The following PTBP3 variants were observed in gnomAD, a reference collection of about 807,000 sequenced individuals.
PTBP3 encodes polypyrimidine tract binding protein 3, also known as polypyrimidine tract-binding protein 3.
A neutral mutation model predicts 58.7 loss-of-function variants in PTBP3; 20 were observed. That is an observed-to-expected ratio of 0.34 (90% CI 0.24 to 0.50). The LOEUF is 0.50. Among genes scored for constraint, PTBP3 ranks in the 20% least tolerant of loss-of-function variants. The pLI, the probability that PTBP3 is intolerant of heterozygous loss-of-function variation, is 0.98. For synonymous variants in PTBP3, 185 were observed against 219.8 expected (o/e 0.84, Z 1.40); for missense variants, 509 against 637.2 (o/e 0.80, Z 2.17).
intron 1 of PTBP3, among the ~76,000 whole-genome samples, chr9:112,304,031 G>T (rs191822207): frequency 1.3e-5 from 2 of 151,936 alleles, no homozygotes; most frequent in East Asian, 3.9e-4. Flanking sequence ...GCCAGGTATG[G>T]TGGTGCATGC....
intron 1 of PTBP3, among the ~76,000 whole-genome samples, chr9:112,314,368 T>C (rs1320205921): frequency 6.6e-6 from 1 of 152,122 alleles, no homozygotes; most frequent in Non-Finnish European, 1.5e-5. Context: ...TGTGAATACA[T>C]ATAGTAACTG....
At chr9:112,270,807 G>T (rs1457853464) in intron 3 of PTBP3, among the ~76,000 whole-genome samples, 1 of 152,012 alleles carries the variant, frequency 6.6e-6, no homozygotes, top group Non-Finnish European at 1.5e-5. Context: ...CAGGGCTTAG[G>T]TTCCTTTTTT....
Position 112,223,233 on chromosome 9 carries a change from G to C in PTBP3, c.*618C>G, listed in dbSNP as rs1178775202. ...AGTTAAAGATAGGCATTATTTAAAG[G>C]AGTGTCTTACAGTGAAAAAAAGAAA... On this transcript the variant is annotated 3_prime_UTR_variant, in exon 14 of 14. Coordinates refer to ENST00000374257, the MANE Select transcript of PTBP3 (RefSeq NM_001163788.4). 2 of 939,980 alleles carry C rather than the reference G, an allele frequency of 2.1e-6. No homozygotes were observed. The highest frequency in any genetic ancestry group is 2.5e-6 in the Non-Finnish European group (2 of 788,322). The allele number at this position is 939,980 out of a possible 1,614,324, so 58.2% of individuals were successfully genotyped here. A position where few individuals can be genotyped will look rare whatever the true frequency, so the allele number is the denominator to read the frequency against.
At chr9:112,314,408 C>T (rs573315259) in intron 1 of PTBP3, among the ~76,000 whole-genome samples, 2 of 152,254 alleles carry the variant, frequency 1.3e-5, no homozygotes, top group Admixed American at 6.5e-5. Context: ...CAAAAACTGA[C>T]AGAACAGCTG....
intron 10 of PTBP3, among the ~76,000 whole-genome samples, chr9:112,228,837 T>C (rs1835093169): frequency 6.6e-6 from 1 of 152,164 alleles, no homozygotes; most frequent in African/African-American, 2.4e-5. Context: ...ACCCACCCAA[T>C]CAATCACCAG....
chr9:112,320,846 C>A (rs1196506360), intron 1 of PTBP3, among the ~76,000 whole-genome samples: 3 of 152,096 alleles, frequency 2.0e-5, no homozygotes, highest in African/African-American at 7.2e-5. Flanking sequence ...TTTACTCACG[C>A]CATACACAAA....
chr9:112,257,220 T>A (rs2132107192), intron 5 of PTBP3, among the ~76,000 whole-genome samples: 1 of 152,306 alleles, frequency 6.6e-6, no homozygotes, highest in South Asian at 2.1e-4. Context: ...TGGATTGTAT[T>A]CACTGATAGA....
chr9:112,310,769 A>G (rs2132385300), intron 1 of PTBP3, among the ~76,000 whole-genome samples: 1 of 152,398 alleles, frequency 6.6e-6, no homozygotes, highest in East Asian at 1.9e-4. Flanking sequence ...ACAGCAAGGT[A>G]CGACTTAAGA....
At chr9:112,346,687 A>G in the PTBP3 span, among the ~76,000 whole-genome samples, 1 of 152,204 alleles carries the variant, frequency 6.6e-6, no homozygotes, top group African/African-American at 2.4e-5. Flanking sequence ...CACAATTTCA[A>G]TTTAAGGTTA....
At position 112,279,150 on chromosome 9, in the gene PTBP3, C is replaced by T. The variant is rs144374572; in HGVS notation, c.35-3137G>A. ...GATGAAGAATGTATACCATTACAAG[C>T]AATTGTATGGCCATGATTTAAAAGC... On this transcript the variant is annotated intron_variant, in intron 2 of 13. Coordinates refer to ENST00000374257, the MANE Select transcript of PTBP3 (RefSeq NM_001163788.4). 4.4e-3 allele frequency among the ~76,000 whole-genome samples: 667 copies of T among 152,058 alleles called. 3 individuals are homozygous for T. The highest frequency in any genetic ancestry group is 0.015 in the African/African-American group (607 of 41,472).
At chr9:112,302,968 C>A (rs979618359) in intron 1 of PTBP3, among the ~76,000 whole-genome samples, 3 of 151,944 alleles carry the variant, frequency 2.0e-5, no homozygotes, top group African/African-American at 7.2e-5. Context: ...TGTTTTTTTT[C>A]TATTTTTTTC....
At chr9:112,355,262 G>A in the PTBP3 span, among the ~76,000 whole-genome samples, 1,733 of 152,270 alleles carry the variant, frequency 0.011, 13 homozygotes, top group Middle Eastern at 0.017. Flanking sequence ...GTTGAAGAAG[G>A]AAATTTGAAC....
chr9:112,333,625 CAG>C (rs1459938311), upstream of PTBP3: 2 of 883,378 alleles, frequency 2.3e-6, no homozygotes, highest in Non-Finnish European at 3.4e-6. Flanking sequence ...AGAGTGGGAA[CAG>C]GGGCGGGGAC....
At chr9:112,371,646 A>ATT in the PTBP3 span, among the ~76,000 whole-genome samples, 9,890 of 127,368 alleles carry the variant, frequency 0.078, 913 homozygotes, top group African/African-American at 0.21. Flanking sequence ...TTTTTAGTAG[A>ATT]TTTTTTTTTT....
chr9:112,257,792 T>A (rs1192507007), intron 5 of PTBP3, among the ~76,000 whole-genome samples: 1 of 152,046 alleles, frequency 6.6e-6, no homozygotes, highest in East Asian at 1.9e-4. Context: ...GTACAAAAAT[T>A]AGCCAGGTGT....
chr9:112,334,215 A>G (rs562286891), upstream of PTBP3, among the ~76,000 whole-genome samples: 12 of 152,070 alleles, frequency 7.9e-5, 1 homozygote, highest in South Asian at 2.3e-3. Flanking sequence ...GAATGAGGTG[A>G]AAGAGGCTGC....
intron 4 of PTBP3, among the ~76,000 whole-genome samples, chr9:112,264,160 C>A (rs1836707815): frequency 6.6e-6 from 1 of 152,066 alleles, no homozygotes; most frequent in East Asian, 1.9e-4. Context: ...GAAATGTATA[C>A]TTCATGTAAA....
chr9:112,323,763 G>A (rs764752701), intron 1 of PTBP3, among the ~76,000 whole-genome samples: 1 of 152,092 alleles, frequency 6.6e-6, no homozygotes, highest in Middle Eastern at 3.2e-3. Flanking sequence ...AAGAACTGTG[G>A]GACAATTTCA....
the PTBP3 span, among the ~76,000 whole-genome samples, chr9:112,366,059 T>C: frequency 1.3e-5 from 2 of 151,886 alleles, no homozygotes; most frequent in Non-Finnish European, 2.9e-5. Context: ...CCAAGGTGGG[T>C]GGATCATGAG....
Sources: gnomAD v4.1 joint callset for allele counts (sites outside exome capture counted in the v4.1 genomes callset) on GRCh38, gnomAD v4.1.1 for gene constraint, MANE v1.5 for transcripts, NCBI Gene and HGNC (gene_info 2026-07-23, HGNC 2026-07-21) for gene names.